The following KIF1B variants were observed in gnomAD, a reference collection of about 807,000 sequenced individuals.
KIF1B encodes the protein kinesin family member 1B.
Under a neutral mutation model 241.9 loss-of-function variants are expected in KIF1B, and 76 were observed. That is an observed-to-expected ratio of 0.31 (90% CI 0.26 to 0.38). The LOEUF (loss-of-function observed/expected upper bound fraction) is 0.38. KIF1B is among the 10% of genes least tolerant of loss of function. The pLI is 1.00. For synonymous variants in KIF1B, 750 were observed against 796.7 expected (o/e 0.94, Z 0.99); for missense variants, 1,622 against 2,271.4 (o/e 0.71, Z 5.81).
At chr1:10,282,919 A>G (rs189520319) in intron 15 of KIF1B, among the ~76,000 whole-genome samples, 1 of 152,160 alleles carries the variant, frequency 6.6e-6, no homozygotes, top group Admixed American at 6.5e-5. Flanking sequence ...ATAAAGATGA[A>G]GTTTGGGCCG....
intron 15 of KIF1B, among the ~76,000 whole-genome samples, chr1:10,288,369 G>A (rs1649815865): frequency 6.6e-6 from 1 of 152,124 alleles, no homozygotes; most frequent in Non-Finnish European, 1.5e-5. Context: ...TTGCTCGCTG[G>A]CCCTCTAGTA....
chr1:10,373,971 C>T (rs944578909), intron 45 of KIF1B, among the ~76,000 whole-genome samples: 1 of 152,142 alleles, frequency 6.6e-6, no homozygotes, highest in Non-Finnish European at 1.5e-5. Flanking sequence ...TGAGAAACAT[C>T]GCTTTTGGTG....
chr1:10,325,758 T>C (rs1651699764), intron 26 of KIF1B, among the ~76,000 whole-genome samples: 1 of 152,224 alleles, frequency 6.6e-6, no homozygotes, highest in Non-Finnish European at 1.5e-5. Flanking sequence ...GAAAGCCTTC[T>C]TGTTTCACTT....
intron 37 of KIF1B, among the ~76,000 whole-genome samples, chr1:10,350,162 G>A (rs1652738300): frequency 6.6e-6 from 1 of 151,676 alleles, no homozygotes; most frequent in Non-Finnish European, 1.5e-5. Flanking sequence ...GGTGGCGGGC[G>A]CCTGTAGTCC....
At position 10,292,143 on chromosome 1, in the gene KIF1B, A is replaced by G. The variant is rs199827172; in HGVS notation, c.1590+21A>G. ...AAAAGGTAGGAAACAATGCTGTGAA[A>G]CCTAATCAGACAGAGACACTTTTTG... On this transcript the variant is annotated intron_variant, in intron 17 of 48. Coordinates refer to ENST00000676179, the MANE Select transcript of KIF1B (RefSeq NM_001365951.3). The G allele has an allele frequency of 1.7e-5, 27 of 1,590,874 alleles. No individual in the cohort carries two copies. The Admixed American group carries it at 3.5e-4, about 21-fold the overall frequency.
intron 22 of KIF1B, among the ~76,000 whole-genome samples, chr1:10,317,386 C>G (rs1173546123): frequency 7.9e-5 from 12 of 151,406 alleles, no homozygotes; most frequent in Admixed American, 7.9e-4. Flanking sequence ...CTTTCTGACA[C>G]AAAATATTTC....
In KIF1B at chr1:10,232,473, T is replaced by C. The variant is rs1173144881; in HGVS notation, c.106+39T>C. 3 of 1,408,174 alleles carry C rather than the reference T, an allele frequency of 2.1e-6. No homozygotes were observed. In the African/African-American group the frequency reaches 4.2e-5, roughly 20 times the overall value. 87.2% of individuals were successfully genotyped at this position (1,408,174 alleles called of 1,614,324 possible). ...GTTTTCTCTCAGCTGTGTATCTTAC[T>C]TTCCTTTCTTCTTTCCCTGTCGTCT... On this transcript the variant is annotated intron_variant, in intron 2 of 48. Transcript: ENST00000676179.
chr1:10,275,834 A>G (rs1000863560), intron 11 of KIF1B, among the ~76,000 whole-genome samples: 1 of 151,684 alleles, frequency 6.6e-6, no homozygotes, highest in Non-Finnish European at 1.5e-5. Context: ...AAAATTAGAC[A>G]TTGCCAACCC....
intron 2 of KIF1B, among the ~76,000 whole-genome samples, chr1:10,233,709 GC>G (rs1197398820): frequency 2.8e-5 from 3 of 105,366 alleles, no homozygotes; most frequent in South Asian, 5.5e-4. Flanking sequence ...TCTCAATAAA[GC>G]TTTTTTTTTT....
chr1:10,329,543 G>A (rs1437266702), intron 27 of KIF1B, among the ~76,000 whole-genome samples: 1 of 152,152 alleles, frequency 6.6e-6, no homozygotes, highest in African/African-American at 2.4e-5. Flanking sequence ...AACCAGCCTG[G>A]CCAACATGGT....
chr1:10,334,693 CA>C (rs1652098382), intron 28 of KIF1B, 55 bp downstream of exon 28: 1 of 1,358,668 alleles, frequency 7.4e-7, no homozygotes, highest in Admixed American at 1.7e-5. Flanking sequence ...AGAGACAAAG[CA>C]GGCTGATTCT....
In KIF1B at chr1:10,316,738, G is replaced by A. The variant is rs952939298; in HGVS notation, c.2116-3305G>A. On this transcript the variant is annotated intron_variant, in intron 22 of 48. Transcript: ENST00000676179. ...GCCAGTCTGGAATTCCTGGGCTCAAGCAGTTTGCCTGCCTCAGCCTCCCAA... is the reference window on the plus strand; with the variant it reads ...GCCAGTCTGGAATTCCTGGGCTCAAACAGTTTGCCTGCCTCAGCCTCCCAA... Among the ~76,000 whole-genome samples the A allele has an allele frequency of 5.1e-4, 77 of 151,708 alleles. 7 individuals carry two copies. The highest frequency in any genetic ancestry group is 1.5e-3 in the African/African-American group (63 of 41,012).
At chr1:10,267,703 G>C (rs1298297324) in intron 6 of KIF1B, 145 bp downstream of exon 6, 1 of 736,666 alleles carries the variant, frequency 1.4e-6, no homozygotes, top group Non-Finnish European at 2.4e-6. Context: ...TGCTGTAACA[G>C]TGAGGGCTTC....
rs1485122405 is a variant in KIF1B at position 10,337,039 on chromosome 1, A to G, written c.3130-35A>G. ...CTGGGGAAAAATACGTTTTTATACT[A>G]CTTTACCATGTATCTGCCCCTGCCT... On this transcript the variant is annotated intron_variant, in intron 29 of 48. Coordinates refer to ENST00000676179, the MANE Select transcript of KIF1B (RefSeq NM_001365951.3). This position sits in a 1 kb window ranked among gnomAD's most constrained non-coding sequence, Gnocchi z 4.0. 2 of 1,613,766 alleles carry G rather than the reference A, an allele frequency of 1.2e-6. No individual in the cohort carries two copies. Among genetic ancestry groups the G allele is most frequent in the Non-Finnish European group, 1.7e-6 (2 of 1,179,928 alleles).
chr1:10,358,115 A>G (rs545868357), intron 38 of KIF1B, among the ~76,000 whole-genome samples: 10 of 151,652 alleles, frequency 6.6e-5, no homozygotes, highest in East Asian at 5.8e-4. Flanking sequence ...AAAAAAAAAA[A>G]AAAGAAAGAA....
At chr1:10,320,717 T>C (rs894201273) in intron 23 of KIF1B, among the ~76,000 whole-genome samples, 1 of 152,060 alleles carries the variant, frequency 6.6e-6, no homozygotes, top group Non-Finnish European at 1.5e-5. Context: ...TTACATTTCT[T>C]ATTTATTTAT....
At chr1:10,306,707 A>G (rs56164683) in intron 22 of KIF1B, 21,021 of 857,810 alleles carry the variant, frequency 0.025, 303 homozygotes, top group Non-Finnish European at 0.027. Context: ...GATCTTGCCT[A>G]TGAATAGCCA....
intron 22 of KIF1B, among the ~76,000 whole-genome samples, chr1:10,299,896 C>G (rs1455188739): frequency 6.6e-6 from 1 of 152,070 alleles, no homozygotes; most frequent in Non-Finnish European, 1.5e-5. Flanking sequence ...TGTGAATTGA[C>G]CAGACCTCAG....
rs1638900950 is a variant in KIF1B at position 10,376,765 on chromosome 1, T to G, written c.*178T>G. The stretch of plus-strand genomic sequence containing the variant: ...TCCCCATCTCCATTGCTCTGTACTC[T>G]TTTCTTTTTTCTTGTGCTGAGAATC... On this transcript the variant is annotated 3_prime_UTR_variant, in exon 49 of 49. Transcript: ENST00000676179. 1.2e-5 allele frequency: 8 copies of G among 643,608 alleles called. No homozygotes were observed. In the Admixed American group the frequency reaches 2.0e-4, roughly 16 times the overall value. The allele number at this position is 643,608 out of a possible 1,614,324, so 39.9% of individuals were successfully genotyped here.
Sources: allele counts gnomAD v4.1 joint callset (sites outside exome capture counted in the v4.1 genomes callset), GRCh38; gene constraint gnomAD v4.1.1; non-coding constraint Gnocchi (gnomAD v3.1); transcripts MANE v1.5; gene names NCBI Gene and HGNC (gene_info 2026-07-23, HGNC 2026-07-21).